ANKRD35: variants seen among roughly 807,000 people sequenced by gnomAD.
ANKRD35 encodes the protein ankyrin repeat domain 35.
ANKRD35 carries 102 observed loss-of-function variants against 109.9 expected under a neutral mutation model. The ratio of observed to expected loss-of-function variants is 0.93; its 90% CI spans 0.79 to 1.09. The LOEUF is 1.09. ANKRD35 is among the 50% of genes least tolerant of loss of function. The pLI, the probability that ANKRD35 is intolerant of heterozygous loss-of-function variation, is 0.00. For synonymous variants in ANKRD35, 515 were observed against 512.4 expected, an observed-to-expected ratio of 1.01 and a Z score of -0.07; for missense variants, 1,240 against 1,230.1, an observed-to-expected ratio of 1.01 and a Z score of -0.12.
chr1:145,876,547 C>T, intron 6 of ANKRD35, 22 bp downstream of exon 6: 2 of 1,614,086 alleles, frequency 1.2e-6, no homozygotes, highest in Non-Finnish European at 1.7e-6. Context: ...GGACACTGCC[C>T]ACTTGCCCAT....
At chr1:145,874,240 T>A (rs370571914) in intron 8 of ANKRD35, 48 bp from the exon 9 acceptor site, 2 of 1,592,788 alleles carry the variant, frequency 1.3e-6, no homozygotes, top group Non-Finnish European at 1.7e-6. Flanking sequence ...AGGTTCCATG[T>A]ACTTCCAGCC....
rs587597546 is a variant in ANKRD35, at chr1:145,869,843, A to G, written c.2788-1443T>C. Among the ~76,000 whole-genome samples the G allele has an allele frequency of 3.9e-5, 6 of 152,320 alleles. No individual in the cohort carries two copies. The South Asian group carries it at 1.2e-3, about 32-fold the overall frequency. The stretch of plus-strand genomic sequence containing the variant: ...GTAATTTGTCAAAATCACACAGCTA[A>G]TAAGTGATGAAATCATGATTTGAAC... On this transcript the variant is annotated intron_variant, in intron 10 of 13. Transcript: ENST00000355594.
chr1:145,883,187 C>T (rs587652037), intron 1 of ANKRD35, among the ~76,000 whole-genome samples: 91 of 149,764 alleles, frequency 6.1e-4, no homozygotes, highest in African/African-American at 2.1e-3. Flanking sequence ...CGGGTTCAAG[C>T]GATTCTCCTG....
rs182989613 is a variant in ANKRD35, at chr1:145,871,410, G to A, written c.2787+572C>T. 4.0e-4 allele frequency among the ~76,000 whole-genome samples: 61 copies of A among 151,962 alleles called. 1 individual carries two copies. Among genetic ancestry groups the A allele is most frequent in the Admixed American group, 2.1e-3 (32 of 15,266 alleles). ...ACCCCTGACCTCAGGTGATCCACCC[G>A]CCTCGGCATCCCAAAGTGCTGGGAT... is the stretch of plus-strand genomic sequence containing the variant. On this transcript the variant is annotated intron_variant, in intron 10 of 13. Transcript: ENST00000355594.
intron 12 of ANKRD35, 83 bp downstream of exon 12, chr1:145,867,908 T>C: frequency 1.5e-6 from 2 of 1,368,204 alleles, no homozygotes; most frequent in Admixed American, 3.4e-5. Flanking sequence ...ACAGGGACCC[T>C]GGAGAAGAGA....
Position 145,873,112 on chromosome 1 carries a change from C to G in ANKRD35, c.1657G>C (p.Ala553Pro), listed in dbSNP as rs782728809. Residue 553 changes from alanine (A) to proline (P), a missense_variant, in exon 10 of 14, where the codon GCA (alanine) becomes CCA (proline). Physicochemically the swap from Ala to Pro is conservative, Grantham distance 27. Transcript: ENST00000355594. ...ACCTCAGGTTTCACCTGTAGTCCTG[C>G]CTTTGCCCATTCCAGCCTTGCCAGC... ...RVLARLEWAK[A>P]GLQVKPEVPS... 1 of 1,614,020 alleles carries G rather than the reference C, an allele frequency of 6.2e-7. No homozygotes were observed. Among genetic ancestry groups the G allele is most frequent in the African/African-American group, 1.3e-5 (1 of 75,062 alleles).
chr1:145,867,960 T>C (rs782185658), intron 12 of ANKRD35, 31 bp downstream of exon 12: 1 of 1,608,222 alleles, frequency 6.2e-7, no homozygotes, highest in South Asian at 1.1e-5. Flanking sequence ...GCTTTATGTC[T>C]ATACCTCCCT....
chr1:145,869,624 T>C (rs4370720), intron 10 of ANKRD35, among the ~76,000 whole-genome samples: 71,021 of 151,826 alleles, frequency 0.47, 17,024 homozygotes, highest in East Asian at 0.71. Flanking sequence ...CATGCCACCA[T>C]ACTCAGCTAA....
chr1:145,875,808 A>C (rs1553739953), intron 7 of ANKRD35, among the ~76,000 whole-genome samples: 4 of 152,340 alleles, frequency 2.6e-5, no homozygotes, highest in South Asian at 4.1e-4. Flanking sequence ...TTGGCCTCCC[A>C]AAGTGCTGGG....
intron 1 of ANKRD35, among the ~76,000 whole-genome samples, chr1:145,883,286 T>C (rs782713815): frequency 1.3e-5 from 2 of 152,108 alleles, no homozygotes; most frequent in Non-Finnish European, 2.9e-5. Context: ...GGTATCGCCA[T>C]GTTGGCCAGG....
rs1553739763 is a variant in ANKRD35 at position 145,874,880 on chromosome 1, T to A, written c.687A>T (p.Thr229=). The stretch of plus-strand genomic sequence containing the variant: ...GGTGCCTCCACAGTGCCTTGTCTTG[T>A]GTGTGCAGAGCATAGTGCAGAGCAT... ...GHDALHYALH[T]QDKALWRHLQ... The change falls in exon 8 of 14, where the codon ACA becomes ACT. Residue 229 remains threonine (T), a synonymous_variant. Coordinates refer to ENST00000355594, the MANE Select transcript of ANKRD35 (RefSeq NM_144698.5). 1.9e-6 allele frequency: 3 copies of A among 1,613,190 alleles called. No individual in the cohort carries two copies. Among genetic ancestry groups the A allele is most frequent in the Non-Finnish European group, 2.5e-6 (3 of 1,179,510 alleles).
At chr1:145,875,177 C>T (rs1224139928) in intron 7 of ANKRD35, among the ~76,000 whole-genome samples, 171 bp from the exon 8 acceptor site, 3 of 151,658 alleles carry the variant, frequency 2.0e-5, no homozygotes, top group African/African-American at 7.3e-5. Flanking sequence ...CGGAGTTTCA[C>T]TCTTGTTGCC....
chr1:145,876,453 G>A lies in ANKRD35; in HGVS notation c.453+116C>T, dbSNP rs587746066. On this transcript the variant is annotated intron_variant, in intron 6 of 13. Transcript: ENST00000355594. ...AAGAAGAGGAGAAGCAGGAGGAGAA[G>A]GAAGAGAAGGGTGGTGCTAACACAG... is the stretch of plus-strand genomic sequence containing the variant. 1.0e-4 allele frequency: 132 copies of A among 1,270,394 alleles called. No individual in the cohort carries two copies. The African/African-American group carries it at 1.3e-3, about 12-fold the overall frequency. 78.7% of individuals were successfully genotyped at this position (1,270,394 alleles called of 1,614,324 possible). A position where few individuals can be genotyped will look rare whatever the true frequency, so the allele number is the denominator to read the frequency against.
At position 145,872,388 on chromosome 1, in the gene ANKRD35, C is replaced by T; in HGVS notation, c.2381G>A (p.Arg794Gln). 2 of 1,613,168 alleles carry T rather than the reference C, an allele frequency of 1.2e-6. No individual in the cohort carries two copies. The highest frequency in any genetic ancestry group is 1.7e-6 in the Non-Finnish European group (2 of 1,179,698). ...CCCGCTCATCGTGGCCTGAACTGCC[C>T]GCAGCTCTTCCTCCAGCTTCCCCAG... The part of the protein sequence containing the change: ...QDLGKLEEEL[R>Q]AVQATMSGKS... The change falls in exon 10 of 14, where the codon CGG becomes CAG. Residue 794 changes from arginine to glutamine, a missense_variant. Arg to Gln is a conservative substitution (Grantham distance 43). Transcript: ENST00000355594.
At chr1:145,868,108 C>T (rs1653672485) in intron 11 of ANKRD35, 52 bp from the exon 12 acceptor site, 3 of 1,576,564 alleles carry the variant, frequency 1.9e-6, no homozygotes, top group Non-Finnish European at 1.7e-6. Flanking sequence ...GTCACCCAAG[C>T]ATGAGGAGCA....
intron 12 of ANKRD35, 113 bp from the exon 13 acceptor site, chr1:145,867,505 C>G: frequency 1.2e-6 from 1 of 826,146 alleles, no homozygotes; most frequent in Non-Finnish European, 2.0e-6. Flanking sequence ...TATATACCTT[C>G]ACTTATAGTA....
rs782550464 is a variant in ANKRD35 at position 145,872,965 on chromosome 1, C to G, written c.1804G>C (p.Glu602Gln). ...TTTGCCAGGCCTCCTAGGGCCTTTT[C>G]CCCTCCAAGGGCCCCTAGAGGCTCT... ...QGEPLGALGGEKALGGLAKGQ... is the reference protein window; with the variant it reads ...QGEPLGALGGQKALGGLAKGQ... Residue 602 changes from glutamate to glutamine, a missense_variant, in exon 10 of 14, where the codon GAA (glutamate) becomes CAA (glutamine). Glu to Gln is a conservative substitution (Grantham distance 29). Coordinates refer to ENST00000355594, the MANE Select transcript of ANKRD35 (RefSeq NM_144698.5). The G allele has an allele frequency of 6.2e-7, 1 of 1,610,420 alleles. No homozygotes were observed. The highest frequency in any genetic ancestry group is 8.5e-7 in the Non-Finnish European group (1 of 1,178,112).
At chr1:145,880,346 T>C (rs1337590801) in intron 1 of ANKRD35, among the ~76,000 whole-genome samples, 1 of 152,204 alleles carries the variant, frequency 6.6e-6, no homozygotes, top group Non-Finnish European at 1.5e-5. Context: ...ATCTGTGGTC[T>C]GATGTAAAGG....
intron 1 of ANKRD35, among the ~76,000 whole-genome samples, chr1:145,883,845 C>G (rs1485651727): frequency 6.6e-6 from 1 of 152,218 alleles, no homozygotes; most frequent in African/African-American, 2.4e-5. Flanking sequence ...TGCAAGCTTT[C>G]TATGACTCCA....
Sources: gnomAD v4.1 joint callset for allele counts (sites outside exome capture counted in the v4.1 genomes callset) on GRCh38, gnomAD v4.1.1 for gene constraint, MANE v1.5 for transcripts, NCBI Gene and HGNC (gene_info 2026-07-23, HGNC 2026-07-21) for gene names.